LDLRAD4: variants seen among roughly 807,000 people sequenced by gnomAD.
The protein encoded by LDLRAD4 is low density lipoprotein receptor class A domain containing 4, also known as low-density lipoprotein receptor class A domain-containing protein 4.
A neutral mutation model predicts 17.0 loss-of-function variants in LDLRAD4; 5 were observed. The ratio of observed to expected loss-of-function variants is 0.29; its 90% CI spans 0.15 to 0.62. LDLRAD4 has a LOEUF of 0.62. Among genes scored for constraint, LDLRAD4 ranks in the 20% least tolerant of loss-of-function variants. The pLI, the probability that LDLRAD4 is intolerant of heterozygous loss-of-function variation, is 0.84. For missense variants in LDLRAD4, 340 were observed against 424.7 expected, an observed-to-expected ratio of 0.80 and a Z score of 1.75; for synonymous variants, 168 against 171.8, an observed-to-expected ratio of 0.98 and a Z score of 0.17.
chr18:13,262,932 G>T (rs1357926586), intron 1 of LDLRAD4, among the ~76,000 whole-genome samples: 3 of 133,608 alleles, frequency 2.2e-5, no homozygotes, highest in Non-Finnish European at 3.2e-5. Context: ...GCTGAGTCCC[G>T]TGCGGCCCTG....
At chr18:13,240,150 G>A (rs780445240) in intron 1 of LDLRAD4, 1 of 152,262 alleles carries the variant, frequency 6.6e-6, no homozygotes, top group South Asian at 2.1e-4. Flanking sequence ...CCCGACTCCA[G>A]ACCTACTTCG....
In LDLRAD4 at chr18:13,304,050, G is replaced by T. The variant is rs191608781; in HGVS notation, c.-383+25862G>T. On this transcript the variant is annotated intron_variant, in intron 1 of 5. Transcript: ENST00000359446. ...AAGGATTTGAGTAGAGTCCTGCACC[G>T]CCAGGGGTGGATCCAGGGTCCTGGG... Among the ~76,000 whole-genome samples, 15 of 152,352 alleles carry T rather than the reference G, an allele frequency of 9.8e-5. No homozygotes were observed. In the South Asian group the frequency reaches 3.1e-3, roughly 32 times the overall value.
rs141650510 is a variant in LDLRAD4, at chr18:13,629,068, C to T, written c.336+7797C>T. On this transcript the variant is annotated intron_variant, in intron 4 of 5. Transcript: ENST00000359446. ...CTGGTCTTGAACTCCTTGCCTCAAA[C>T]GATCTTCCCACTTCAGCCTCCCAAA... Among the ~76,000 whole-genome samples the T allele has an allele frequency of 1.1e-3, 167 of 152,302 alleles. 2 individuals are homozygous for T. The highest frequency in any genetic ancestry group is 3.8e-3 in the African/African-American group (157 of 41,566).
chr18:13,438,139 A>ACTCAATTTGCATCC, intron 2 of LDLRAD4, 105 bp from the exon 4 acceptor site: 1 of 1,040,508 alleles, frequency 9.6e-7, no homozygotes, highest in Non-Finnish European at 1.5e-6. Flanking sequence ...GAGCTCCCAA[A>ACTCAATTTGCATCC]CAATCATGGC....
intron 3 of LDLRAD4, among the ~76,000 whole-genome samples, chr18:13,583,654 G>A (rs2094896447): frequency 6.6e-6 from 1 of 152,216 alleles, no homozygotes; most frequent in African/African-American, 2.4e-5. Context: ...TGAAGTTAGA[G>A]TAAAAGAGGC....
intron 3 of LDLRAD4, among the ~76,000 whole-genome samples, chr18:13,506,914 C>G (rs746682085): frequency 6.6e-6 from 1 of 152,202 alleles, no homozygotes; most frequent in Non-Finnish European, 1.5e-5. Context: ...TCTGCAGTTT[C>G]GGCGCTGACA....
intron 1 of LDLRAD4, among the ~76,000 whole-genome samples, chr18:13,381,888 T>G (rs1568076287): frequency 6.6e-6 from 1 of 152,268 alleles, no homozygotes; most frequent in Non-Finnish European, 1.5e-5. Flanking sequence ...TTATTTTTTT[T>G]AAATTTTGCA....
intron 2 of LDLRAD4, among the ~76,000 whole-genome samples, chr18:13,414,819 C>G (rs1440035688): frequency 6.6e-6 from 1 of 152,212 alleles, no homozygotes; most frequent in Non-Finnish European, 1.5e-5. Flanking sequence ...AGGCAGTAAA[C>G]TCCCTGATTA....
intron 2 of LDLRAD4, chr18:13,420,285 T>C (rs1185813075): frequency 1.3e-5 from 2 of 152,242 alleles, no homozygotes; most frequent in Non-Finnish European, 2.9e-5. Flanking sequence ...GAATTAGAAA[T>C]TGCTTGTGTT....
At chr18:13,230,995 C>T (rs1409442323) in intron 1 of LDLRAD4, among the ~76,000 whole-genome samples, 1 of 152,078 alleles carries the variant, frequency 6.6e-6, no homozygotes, top group Admixed American at 6.6e-5. Context: ...TCATGCTCGG[C>T]GCAGGGGGAC....
intron 1 of LDLRAD4, among the ~76,000 whole-genome samples, chr18:13,285,025 T>G (rs555579748): frequency 6.6e-6 from 1 of 152,182 alleles, no homozygotes. Flanking sequence ...CTGACATTGG[T>G]TGGGGGCGTG....
chr18:13,474,050 T>A (rs896955387), intron 3 of LDLRAD4, among the ~76,000 whole-genome samples: 2 of 151,986 alleles, frequency 1.3e-5, no homozygotes. Flanking sequence ...GTTCGGTTGT[T>A]TGAAAGTGTG....
chr18:13,612,645 A>G (rs1241125425), intron 3 of LDLRAD4: 3 of 1,611,660 alleles, frequency 1.9e-6, no homozygotes, highest in Middle Eastern at 1.6e-4. Flanking sequence ...AGCTGAAGGG[A>G]TGCTTTGAAC....
At chr18:13,530,459 G>T (rs1235437012) in intron 3 of LDLRAD4, among the ~76,000 whole-genome samples, 1 of 152,226 alleles carries the variant, frequency 6.6e-6, no homozygotes, top group Non-Finnish European at 1.5e-5. Context: ...TTCTAGCAGT[G>T]CTGCGTGTTC....
At chr18:13,648,584 G>A (rs2043106067) in exon 6 of LDLRAD4, 1 of 152,176 alleles carries the variant, frequency 6.6e-6, no homozygotes, top group African/African-American at 2.4e-5. Context: ...AGTAGCGACT[G>A]GGAAGATACA....
intron 1 of LDLRAD4, among the ~76,000 whole-genome samples, chr18:13,269,562 CTT>C (rs113807644): frequency 6.8e-6 from 1 of 146,082 alleles, no homozygotes. Context: ...GGTAGATGAT[CTT>C]TTTTTTTTTT....
chr18:13,647,270 G>GA (rs1016537339), exon 6 of LDLRAD4: 7 of 152,090 alleles, frequency 4.6e-5, no homozygotes, highest in Non-Finnish European at 1.0e-4. Flanking sequence ...TATATACAAT[G>GA]AAAAAAATAA....
At position 13,621,154 on chromosome 18, in the gene LDLRAD4, G is replaced by T; in HGVS notation, c.219G>T (p.Val73=). 6.2e-7 allele frequency: 1 copy of T among 1,614,184 alleles called. No homozygotes were observed. Among genetic ancestry groups the T allele is most frequent in the Non-Finnish European group, 8.5e-7 (1 of 1,180,014 alleles). ...TCGCCCAAATCATCATCATCGTCGTGGTGGTCACGGTGATGGTGGTGGTCA... is the reference window on the plus strand; with the variant it reads ...TCGCCCAAATCATCATCATCGTCGTTGTGGTCACGGTGATGGTGGTGGTCA... The change falls in exon 4 of 6, where the codon GTG becomes GTT. Residue 73 remains valine, a synonymous_variant. Transcript: ENST00000359446. The surrounding 1 kb of genome is among the most constrained non-coding windows in gnomAD (Gnocchi z 5.5).
At chr18:13,513,111 AG>A (rs1742163902) in intron 3 of LDLRAD4, among the ~76,000 whole-genome samples, 1 of 152,194 alleles carries the variant, frequency 6.6e-6, no homozygotes, top group African/African-American at 2.4e-5. Context: ...AAGCTCCATA[AG>A]TGTGCACAGT....
Sources: allele counts gnomAD v4.1 joint callset (sites outside exome capture counted in the v4.1 genomes callset), GRCh38; gene constraint gnomAD v4.1.1; non-coding constraint Gnocchi (gnomAD v3.1); transcripts MANE v1.5; gene names NCBI Gene and HGNC (gene_info 2026-07-23, HGNC 2026-07-21).